Variants in SLC9C2 observed in about 807,000 individuals in gnomAD.
The protein encoded by SLC9C2 is sodium/hydrogen exchanger 11.
A neutral mutation model predicts 140.2 loss-of-function variants in SLC9C2; 75 were observed. The observed-to-expected ratio is 0.53, with a 90% CI of 0.44 to 0.65. The LOEUF (loss-of-function observed/expected upper bound fraction) is 0.65. SLC9C2 is among the 30% of genes least tolerant of loss of function. The pLI is 0.00. For synonymous variants in SLC9C2, 375 were observed against 420.9 expected, an observed-to-expected ratio of 0.89 and a Z score of 1.34; for missense variants, 1,074 against 1,331.8, an observed-to-expected ratio of 0.81 and a Z score of 3.01.
Position 173,529,958 on chromosome 1 carries a change from C to T in SLC9C2, c.2260G>A (p.Glu754Lys). The change falls in exon 18 of 28, where the codon GAA (glutamate) becomes AAA (lysine). Residue 754 changes from glutamate to lysine, a missense_variant. Transcript: ENST00000367714. ...SITKGYIKSQ[E>K]DAKLLIKQIA... ...TGTTTTATTAGAAGTTTGGCATCTT[C>T]TTGACTTTTGATATAGCCTTTTGTA... The T allele has an allele frequency of 6.2e-7, 1 of 1,612,868 alleles. No individual in the cohort carries two copies. Among genetic ancestry groups the T allele is most frequent in the South Asian group, 1.1e-5 (1 of 90,690 alleles).
At chr1:173,532,639 T>C (rs1469872175) in intron 17 of SLC9C2, among the ~76,000 whole-genome samples, 8 of 152,182 alleles carry the variant, frequency 5.3e-5, no homozygotes, top group Non-Finnish European at 8.8e-5. Flanking sequence ...AAAGAACTTG[T>C]ATTTGGGTTA....
Position 173,526,669 on chromosome 1 carries a change from C to A in SLC9C2, c.2359G>T (p.Glu787Ter). The A allele has an allele frequency of 6.3e-7, 1 of 1,594,194 alleles. No homozygotes were observed. The highest frequency in any genetic ancestry group is 8.5e-7 in the Non-Finnish European group (1 of 1,174,894). Residue 787 changes from glutamate (E) to a stop codon, truncating the protein, a stop_gained, in exon 19 of 28, where the codon GAA becomes TAA. Transcript: ENST00000367714. LOFTEE classifies it high-confidence loss of function. ...AGATACTTCAACTACCTACCTAATT[C>A]TTTGACAGCATCCTGTTTGTTGGTT... is the stretch of plus-strand genomic sequence containing the variant. ...LETNKQDAVK[E>*]LVLMEHEGRD...
intron 23 of SLC9C2, among the ~76,000 whole-genome samples, chr1:173,511,028 C>CTTTTTTTT (rs1660009664): frequency 9.0e-6 from 1 of 110,760 alleles, no homozygotes; most frequent in African/African-American, 4.3e-5. Flanking sequence ...CCTTTCTTTT[C>CTTTTTTTT]CTTTTTTTTT....
chr1:173,536,024 G>C lies in SLC9C2; in HGVS notation c.1656-75C>G. ...ACTTTGGGTTAATATAAAAGGGGAA[G>C]GTGTACTAAGTATAAATTTAATATG... On this transcript the variant is annotated intron_variant, in intron 14 of 27. Transcript: ENST00000367714. 3.9e-6 allele frequency: 5 copies of C among 1,288,810 alleles called. No individual in the cohort carries two copies. In the South Asian group the frequency reaches 6.8e-5, roughly 18 times the overall value. 79.8% of individuals were successfully genotyped at this position (1,288,810 alleles called of 1,614,324 possible).
chr1:173,522,496 C>T (rs1047024459), intron 21 of SLC9C2, among the ~76,000 whole-genome samples: 1 of 152,154 alleles, frequency 6.6e-6, no homozygotes, highest in African/African-American at 2.4e-5. Context: ...TCAGCAGGCG[C>T]AGTGCCTGCA....
intron 21 of SLC9C2, 39 bp downstream of exon 21, chr1:173,523,930 C>A (rs766387902): frequency 1.3e-6 from 2 of 1,583,936 alleles, no homozygotes; most frequent in Non-Finnish European, 1.7e-6. Context: ...TGGATAATTA[C>A]CATCAAACCT....
At chr1:173,504,948 C>T (rs1443908794) in intron 26 of SLC9C2, among the ~76,000 whole-genome samples, 2 of 152,188 alleles carry the variant, frequency 1.3e-5, no homozygotes, top group Non-Finnish European at 2.9e-5. Flanking sequence ...ACTGCCAGCA[C>T]CATGTGGCTG....
intron 5 of SLC9C2, among the ~76,000 whole-genome samples, chr1:173,585,509 A>G (rs1665798711): frequency 6.6e-6 from 1 of 152,200 alleles, no homozygotes; most frequent in African/African-American, 2.4e-5. Context: ...AACACCCAAA[A>G]CAAGTGAGAG....
At chr1:173,512,860 A>C (rs1660149055) in intron 23 of SLC9C2, among the ~76,000 whole-genome samples, 1 of 152,192 alleles carries the variant, frequency 6.6e-6, no homozygotes, top group Admixed American at 6.5e-5. Context: ...TTTAACATGA[A>C]GGGATTTGAA....
intron 13 of SLC9C2, among the ~76,000 whole-genome samples, chr1:173,538,898 T>A (rs1662170549): frequency 6.6e-6 from 1 of 152,168 alleles, no homozygotes; most frequent in Admixed American, 6.5e-5. Context: ...TAAACTTTTC[T>A]TGGAATGTGA....
At chr1:173,521,039 C>T (rs1660772285) in intron 22 of SLC9C2, among the ~76,000 whole-genome samples, 1 of 152,104 alleles carries the variant, frequency 6.6e-6, no homozygotes, top group African/African-American at 2.4e-5. Context: ...GTATTGATTT[C>T]CTTCTCTGAA....
intron 9 of SLC9C2, among the ~76,000 whole-genome samples, chr1:173,569,969 G>A (rs1475788473): frequency 6.6e-6 from 1 of 152,048 alleles, no homozygotes; most frequent in Non-Finnish European, 1.5e-5. Flanking sequence ...AGGGAGTTCT[G>A]CCACACCACC....
At chr1:173,593,578 T>G (rs1321541072) in intron 4 of SLC9C2, among the ~76,000 whole-genome samples, 1 of 151,980 alleles carries the variant, frequency 6.6e-6, no homozygotes, top group Non-Finnish European at 1.5e-5. Context: ...AGGCACAGAG[T>G]GACAAGCTAG....
chr1:173,523,763 C>T (rs571959271), intron 21 of SLC9C2, among the ~76,000 whole-genome samples: 14 of 152,312 alleles, frequency 9.2e-5, no homozygotes, highest in South Asian at 2.1e-4. Flanking sequence ...TACTCATAAG[C>T]GGATAAGCCA....
chr1:173,526,524 C>T, intron 19 of SLC9C2, 139 bp downstream of exon 19: 2 of 747,926 alleles, frequency 2.7e-6, no homozygotes, highest in South Asian at 3.4e-5. Flanking sequence ...CATACCTGGC[C>T]CATTAGCTGT....
chr1:173,520,589 G>GT (rs1022140169), intron 22 of SLC9C2, among the ~76,000 whole-genome samples: 6 of 152,170 alleles, frequency 3.9e-5, no homozygotes, highest in African/African-American at 1.4e-4. Context: ...CAAACATTTT[G>GT]TTGAATAAAT....
chr1:173,595,249 T>C (rs1024971992), intron 4 of SLC9C2, among the ~76,000 whole-genome samples: 1 of 152,098 alleles, frequency 6.6e-6, no homozygotes, highest in Non-Finnish European at 1.5e-5. Context: ...ACCCAGGCTC[T>C]TTTTTTCTCT....
At chr1:173,520,920 C>T (rs2101944209) in intron 22 of SLC9C2, among the ~76,000 whole-genome samples, 1 of 152,298 alleles carries the variant, frequency 6.6e-6, no homozygotes, top group South Asian at 2.1e-4. Flanking sequence ...CCCTCTCTCT[C>T]TCTCTGTCTC....
At chr1:173,591,686 G>A (rs1211726283) in intron 4 of SLC9C2, among the ~76,000 whole-genome samples, 3 of 152,074 alleles carry the variant, frequency 2.0e-5, no homozygotes, top group Admixed American at 1.3e-4. Context: ...TTTGAAGGGT[G>A]TCTGTTTTTA....
Sources: gnomAD v4.1 joint callset for allele counts (sites outside exome capture counted in the v4.1 genomes callset) on GRCh38, gnomAD v4.1.1 for gene constraint, MANE v1.5 for transcripts, NCBI Gene and HGNC (gene_info 2026-07-23, HGNC 2026-07-21) for gene names.